BLTP1: variants seen among roughly 807,000 people sequenced by gnomAD.
The protein encoded by BLTP1 is fragile site-associated protein.
the BLTP1 span, chr4:122,251,478 G>T: frequency 1.1e-6 from 1 of 939,186 alleles, no homozygotes; most frequent in Non-Finnish European, 1.3e-6. Flanking sequence ...GTAGTTTAAT[G>T]AGTTTAATCA....
chr4:122,184,521 C>T, the BLTP1 span: 2 of 163,468 alleles, frequency 1.2e-5, no homozygotes, highest in South Asian at 2.0e-4. Context: ...TGTCTGTAAT[C>T]CCATCTCACT....
chr4:122,272,921 A>T, the BLTP1 span, among the ~76,000 whole-genome samples: 1 of 152,098 alleles, frequency 6.6e-6, no homozygotes, highest in African/African-American at 2.4e-5. Context: ...AAGATGCCCT[A>T]TTATTTTATG....
At chr4:122,333,877 T>A in the BLTP1 span, 3 of 1,532,526 alleles carry the variant, frequency 2.0e-6, no homozygotes, top group East Asian at 4.9e-5. Flanking sequence ...CTATCATATA[T>A]GTTCATCTTT....
the BLTP1 span, chr4:122,274,753 G>C: frequency 5.8e-6 from 2 of 346,924 alleles, no homozygotes; most frequent in Non-Finnish European, 8.1e-6. Context: ...AGTTAATGTT[G>C]TGCTACTGTT....
chr4:122,212,110 C>G, the BLTP1 span: 6 of 980,078 alleles, frequency 6.1e-6, no homozygotes, highest in African/African-American at 1.7e-5. Flanking sequence ...GACAGGGAAG[C>G]ACAATCAAGG....
At chr4:122,248,322 T>C in the BLTP1 span, among the ~76,000 whole-genome samples, 662 of 152,190 alleles carry the variant, frequency 4.3e-3, 8 homozygotes, top group African/African-American at 0.015. Context: ...CAGAACCTTA[T>C]ATAATTTTGA....
the BLTP1 span, chr4:122,221,851 A>T: frequency 2.0e-6 from 2 of 983,556 alleles, no homozygotes; most frequent in African/African-American, 1.7e-5. Flanking sequence ...AACTTAGATG[A>T]CTATCCCTGG....
At chr4:122,173,172 G>A in the BLTP1 span, 1 of 1,599,176 alleles carries the variant, frequency 6.3e-7, no homozygotes, top group Non-Finnish European at 8.5e-7. Flanking sequence ...AGTTAACACT[G>A]AATTTTTTTC....
At chr4:122,275,080 C>T in the BLTP1 span, among the ~76,000 whole-genome samples, 1 of 152,006 alleles carries the variant, frequency 6.6e-6, no homozygotes, top group Non-Finnish European at 1.5e-5. Flanking sequence ...TTCATAATAG[C>T]TGCCTACTAT....
At chr4:122,231,448 A>G in the BLTP1 span, among the ~76,000 whole-genome samples, 1 of 149,740 alleles carries the variant, frequency 6.7e-6, no homozygotes, top group Non-Finnish European at 1.5e-5. Context: ...TTCTGTGTAC[A>G]TTTATTTACT....
the BLTP1 span, among the ~76,000 whole-genome samples, chr4:122,201,308 A>G: frequency 6.6e-6 from 1 of 152,160 alleles, no homozygotes; most frequent in African/African-American, 2.4e-5. Flanking sequence ...TTCTTTTCTA[A>G]CCTAAACAAG....
At chr4:122,231,629 A>G in the BLTP1 span, 1 of 957,188 alleles carries the variant, frequency 1.0e-6, no homozygotes, top group Non-Finnish European at 1.2e-6. Flanking sequence ...TGAGAAAGCC[A>G]TTCTTTTGCT....
At chr4:122,247,830 A>G in the BLTP1 span, 23 of 988,292 alleles carry the variant, frequency 2.3e-5, no homozygotes, top group Non-Finnish European at 2.6e-5. Context: ...AGGTAAAAGG[A>G]AAGTAGAGCT....
the BLTP1 span, chr4:122,173,167 A>T: frequency 6.2e-7 from 1 of 1,600,660 alleles, no homozygotes; most frequent in Non-Finnish European, 8.5e-7. Context: ...GTTTGAGTTA[A>T]CACTGAATTT....
the BLTP1 span, chr4:122,336,947 C>T: frequency 6.2e-7 from 1 of 1,612,200 alleles, no homozygotes; most frequent in Non-Finnish European, 8.5e-7. Context: ...GAATCAACAA[C>T]ATCACTAGTG....
At chr4:122,199,035 C>T in the BLTP1 span, among the ~76,000 whole-genome samples, 1 of 152,036 alleles carries the variant, frequency 6.6e-6, no homozygotes, top group Non-Finnish European at 1.5e-5. Flanking sequence ...AAAATATGTA[C>T]CCTTGAGTCA....
chr4:122,267,321 A>AGT, the BLTP1 span, among the ~76,000 whole-genome samples: 1 of 152,106 alleles, frequency 6.6e-6, no homozygotes, highest in South Asian at 2.1e-4. Context: ...GGCCTCCCAA[A>AGT]GTGCTGGGAT....
chr4:122,312,791 A>G, the BLTP1 span: 6 of 784,804 alleles, frequency 7.6e-6, no homozygotes, highest in Non-Finnish European at 9.3e-6. Context: ...TACCTAAAAT[A>G]TGAATAGTAA....
chr4:122,157,164 A>G, the BLTP1 span, among the ~76,000 whole-genome samples: 181 of 152,350 alleles, frequency 1.2e-3, no homozygotes, highest in Middle Eastern at 6.8e-3. Flanking sequence ...CATACTTTGT[A>G]TTAGTATCTA....
Sources: gnomAD v4.1 joint callset for allele counts (sites outside exome capture counted in the v4.1 genomes callset) on GRCh38, gnomAD v4.1.1 for gene constraint, MANE v1.5 for transcripts, NCBI Gene and HGNC (gene_info 2026-07-23, HGNC 2026-07-21) for gene names.